The following HCRTR2 variants were observed in gnomAD, a reference collection of about 807,000 sequenced individuals.
HCRTR2 encodes orexin receptor type 2.
A neutral mutation model predicts 49.0 loss-of-function variants in HCRTR2; 22 were observed. That is an observed-to-expected ratio of 0.45 (90% CI 0.32 to 0.64). The LOEUF (loss-of-function observed/expected upper bound fraction) is 0.64, where lower values mean the gene tolerates loss of function less well. HCRTR2 is among the 30% of genes least tolerant of loss of function. HCRTR2 has a pLI of 0.04. For missense variants in HCRTR2, 491 were observed against 559.4 expected (o/e 0.88, Z 1.23); for synonymous variants, 236 against 205.3 (o/e 1.15, Z -1.28).
In HCRTR2 at chr6:55,282,553, A is replaced by G; in HGVS notation, c.*99A>G. 1.4e-6 allele frequency: 1 copy of G among 702,260 alleles called. No homozygotes were observed. The highest frequency in any genetic ancestry group is 2.4e-6 in the Non-Finnish European group (1 of 408,172). 43.5% of individuals were successfully genotyped at this position (702,260 alleles called of 1,614,324 possible). ...TATCCTATGATGTGAAGCTAAAATT[A>G]CTTGTGGATCTTTTTTTTTTTTAAT... On this transcript the variant is annotated 3_prime_UTR_variant, in exon 7 of 7. Coordinates refer to ENST00000370862, the MANE Select transcript of HCRTR2 (RefSeq NM_001384272.1).
At chr6:55,113,615 T>C (rs1181567678) in intron 1 of HCRTR2, among the ~76,000 whole-genome samples, 1 of 151,328 alleles carries the variant, frequency 6.6e-6, no homozygotes, top group Non-Finnish European at 1.5e-5. Context: ...ATTTTATCCA[T>C]TTTAACCATA....
chr6:55,248,761 A>T lies in HCRTR2; in HGVS notation c.346A>T (p.Ile116Phe). The change falls in exon 2 of 7, where the codon ATC becomes TTC. Residue 116 changes from isoleucine (I) to phenylalanine (F), a missense_variant. Ile to Phe is a conservative substitution (Grantham distance 21). Transcript: ENST00000370862. ...TCLPATLVVD[I>F]TETWFFGQSL... is the part of the protein sequence containing the mutation. The stretch of plus-strand genomic sequence containing the variant: ...CCTTCCAGCCACACTGGTCGTGGAT[A>T]TCACTGAGACCTGGTTTTTTGGACA... 6.2e-7 allele frequency: 1 copy of T among 1,613,570 alleles called. No individual in the cohort carries two copies. Among genetic ancestry groups the T allele is most frequent in the Non-Finnish European group, 8.5e-7 (1 of 1,179,584 alleles).
chr6:55,182,491 G>A (rs1037846550), intron 1 of HCRTR2, among the ~76,000 whole-genome samples: 3 of 152,286 alleles, frequency 2.0e-5, no homozygotes, highest in Non-Finnish European at 4.4e-5. Flanking sequence ...AGCAGCCAGA[G>A]AGGAAATACG....
At chr6:55,262,282 T>C (rs1766772674) in intron 3 of HCRTR2, among the ~76,000 whole-genome samples, 1 of 146,058 alleles carries the variant, frequency 6.8e-6, no homozygotes, top group Non-Finnish European at 1.5e-5. Flanking sequence ...AAAAAATACA[T>C]ACATACAAAA....
At chr6:55,235,103 ATAAAGT>A (rs1240972769) in intron 1 of HCRTR2, among the ~76,000 whole-genome samples, 1 of 152,180 alleles carries the variant, frequency 6.6e-6, no homozygotes, top group African/African-American at 2.4e-5. Flanking sequence ...TTCCACATAG[ATAAAGT>A]TAAAAACAGA....
At chr6:55,237,561 C>T (rs1177428116) in intron 1 of HCRTR2, among the ~76,000 whole-genome samples, 1 of 152,228 alleles carries the variant, frequency 6.6e-6, no homozygotes, top group African/African-American at 2.4e-5. Context: ...CTCTGTTTCT[C>T]TTCTCCTGTT....
chr6:55,220,581 C>A (rs1363821817), intron 1 of HCRTR2, among the ~76,000 whole-genome samples: 1 of 152,094 alleles, frequency 6.6e-6, no homozygotes, highest in African/African-American at 2.4e-5. Flanking sequence ...GGTCACATAT[C>A]AAAAGCTAAC....
intron 4 of HCRTR2, among the ~76,000 whole-genome samples, chr6:55,264,369 T>C (rs757452274): frequency 6.6e-5 from 10 of 152,134 alleles, no homozygotes; most frequent in Admixed American, 1.3e-4. Context: ...TACTACACTT[T>C]GTTAGATAAT....
chr6:55,160,901 ACT>A (rs1392149272), intron 1 of HCRTR2, among the ~76,000 whole-genome samples: 1 of 152,120 alleles, frequency 6.6e-6, no homozygotes, highest in Non-Finnish European at 1.5e-5. Context: ...TTAACACCCC[ACT>A]GTCAATATTA....
chr6:55,199,389 G>T (rs113097591), intron 1 of HCRTR2, among the ~76,000 whole-genome samples: 3 of 151,926 alleles, frequency 2.0e-5, no homozygotes, highest in African/African-American at 7.3e-5. Context: ...GAATGTAAAT[G>T]GTGGTCTTCT....
chr6:55,206,711 A>C (rs1179630949), intron 1 of HCRTR2, among the ~76,000 whole-genome samples: 3 of 152,048 alleles, frequency 2.0e-5, no homozygotes, highest in Non-Finnish European at 4.4e-5. Flanking sequence ...GGTATGTGAC[A>C]TTTGTTGAAA....
At chr6:55,123,726 GT>G (rs1554166476) in intron 1 of HCRTR2, among the ~76,000 whole-genome samples, 6 of 152,066 alleles carry the variant, frequency 3.9e-5, no homozygotes, top group Non-Finnish European at 8.8e-5. Flanking sequence ...TCTACCTCTG[GT>G]AGAATTCGGC....
chr6:55,270,027 A>G (rs1766941930), intron 4 of HCRTR2, among the ~76,000 whole-genome samples: 1 of 152,204 alleles, frequency 6.6e-6, no homozygotes, highest in South Asian at 2.1e-4. Flanking sequence ...TTATAGAGAC[A>G]TGGATTCCAT....
intron 1 of HCRTR2, among the ~76,000 whole-genome samples, chr6:55,141,595 G>A (rs911284594): frequency 9.9e-5 from 15 of 152,046 alleles, no homozygotes; most frequent in African/African-American, 3.1e-4. Flanking sequence ...CTAGAGAAGA[G>A]CTTATAATTT....
chr6:55,191,083 C>G (rs1364920430), intron 1 of HCRTR2, among the ~76,000 whole-genome samples: 1 of 151,968 alleles, frequency 6.6e-6, no homozygotes, highest in Non-Finnish European at 1.5e-5. Flanking sequence ...AGCAAAAAGA[C>G]CAATAAGAGG....
At position 55,240,357 on chromosome 6, in the gene HCRTR2, CAAAAAAAAAA is replaced by C. The variant is rs1167981530; in HGVS notation, c.224-8264_224-8255del. ...TGGACGAAAGAGCGAGACTCCAGCT[CAAAAAAAAAA>C]AAAAAAAAAAAAAAAAAGAGTTTTA... On this transcript the variant is annotated intron_variant, in intron 1 of 6. Coordinates refer to ENST00000370862, the MANE Select transcript of HCRTR2 (RefSeq NM_001384272.1). Among the ~76,000 whole-genome samples the C allele has an allele frequency of 6.7e-4, 31 of 46,016 alleles. No homozygotes were observed. In the South Asian group the frequency reaches 0.03, roughly 44 times the overall value. The allele number at this position is 46,016 out of a possible 152,430, so 30.2% of individuals were successfully genotyped here. A position where few individuals can be genotyped will look rare whatever the true frequency, so the allele number is the denominator to read the frequency against.
intron 1 of HCRTR2, among the ~76,000 whole-genome samples, chr6:55,178,801 A>G (rs1561997094): frequency 6.6e-6 from 1 of 152,230 alleles, no homozygotes; most frequent in Non-Finnish European, 1.5e-5. Context: ...TTGCCTTTAA[A>G]TGAAAGCCAT....
chr6:55,122,884 G>A (rs143277346), intron 1 of HCRTR2, among the ~76,000 whole-genome samples: 1,655 of 145,880 alleles, frequency 0.011, 19 homozygotes, highest in Middle Eastern at 0.023. Context: ...ACCAAACACC[G>A]CATGTTCTCA....
At chr6:55,256,440 C>G (rs1354148598) in intron 3 of HCRTR2, among the ~76,000 whole-genome samples, 1 of 152,030 alleles carries the variant, frequency 6.6e-6, no homozygotes, top group Non-Finnish European at 1.5e-5. Context: ...AAGCCAATCA[C>G]TGATATATTA....
Sources: allele counts gnomAD v4.1 joint callset (sites outside exome capture counted in the v4.1 genomes callset), GRCh38; gene constraint gnomAD v4.1.1; transcripts MANE v1.5; gene names NCBI Gene and HGNC (gene_info 2026-07-23, HGNC 2026-07-21).